Variants in CCDC171 observed in about 807,000 individuals in gnomAD.
CCDC171 encodes coiled-coil domain-containing protein 171.
Under a neutral mutation model 168.2 loss-of-function variants are expected in CCDC171, and 177 were observed. The observed-to-expected ratio is 1.05, with a 90% CI of 0.93 to 1.19. CCDC171 has a LOEUF of 1.19. CCDC171 is among the 50% of genes most tolerant of loss of function. The pLI is 0.00. For missense variants in CCDC171, 1,991 were observed against 1,539.0 expected (o/e 1.29, Z -4.91); for synonymous variants, 687 against 540.8 (o/e 1.27, Z -3.75).
Position 15,874,799 on chromosome 9 carries a change from T to C in CCDC171, c.3600+136T>C. On this transcript the variant is annotated intron_variant, in intron 24 of 25. Coordinates refer to ENST00000380701, the MANE Select transcript of CCDC171 (RefSeq NM_173550.4). The stretch of plus-strand genomic sequence containing the variant: ...AATAGATGTTTCTTCATTTTTCTTC[T>C]ATCATGTAACAGTATACTTTACAAA... 3 of 866,092 alleles carry C rather than the reference T, an allele frequency of 3.5e-6. No homozygotes were observed. In the South Asian group the frequency reaches 9.7e-5, roughly 28 times the overall value. 53.7% of individuals were successfully genotyped at this position (866,092 alleles called of 1,614,324 possible).
intron 10 of CCDC171, among the ~76,000 whole-genome samples, chr9:15,692,173 C>A (rs529771545): frequency 6.6e-6 from 1 of 152,068 alleles, no homozygotes; most frequent in African/African-American, 2.4e-5. Flanking sequence ...GCCAGGAGTT[C>A]GAGACCAGCT....
chr9:15,987,489 A>C (rs527577660), intron 3 of CCDC171, among the ~76,000 whole-genome samples: 1 of 152,334 alleles, frequency 6.6e-6, no homozygotes, highest in South Asian at 2.1e-4. Flanking sequence ...AAAGATAAAC[A>C]TTTTAATTTA....
intron 25 of CCDC171, among the ~76,000 whole-genome samples, chr9:15,971,402 A>G (rs1482763556): frequency 1.3e-5 from 2 of 152,178 alleles, no homozygotes; most frequent in African/African-American, 4.8e-5. Context: ...TGTCTAGAAA[A>G]GTTCAGAAAA....
At chr9:15,634,980 C>T (rs1334865437) in intron 7 of CCDC171, among the ~76,000 whole-genome samples, 2 of 152,080 alleles carry the variant, frequency 1.3e-5, no homozygotes, top group African/African-American at 4.8e-5. Context: ...GTGCTTCATT[C>T]TTTTTTATGC....
chr9:15,657,262 G>T (rs1197824670), intron 8 of CCDC171, 43 bp downstream of exon 8: 2 of 1,236,500 alleles, frequency 1.6e-6, no homozygotes, highest in Non-Finnish European at 2.4e-6. Flanking sequence ...TTCTTAATTT[G>T]TGTTATAACA....
rs1392198186 is a variant in CCDC171, at chr9:15,729,602, C to T, written c.1861-8C>T. 6.3e-7 allele frequency: 1 copy of T among 1,589,940 alleles called. No individual in the cohort carries two copies. The highest frequency in any genetic ancestry group is 8.6e-7 in the Non-Finnish European group (1 of 1,164,242). On this transcript the variant is annotated splice_polypyrimidine_tract_variant and splice_region_variant and intron_variant, in intron 15 of 25. Coordinates refer to ENST00000380701, the MANE Select transcript of CCDC171 (RefSeq NM_173550.4). The stretch of plus-strand genomic sequence containing the variant: ...ATATTTCCTTCTCTGTTGCATCTCC[C>T]CGTATAGATAAGGCATCTAGAGTAT...
intron 11 of CCDC171, among the ~76,000 whole-genome samples, chr9:15,704,898 T>G (rs2052087741): frequency 6.6e-6 from 1 of 152,158 alleles, no homozygotes; most frequent in Admixed American, 6.5e-5. Context: ...GGGGTCTCTC[T>G]GCTTCCACCT....
the CCDC171 span, among the ~76,000 whole-genome samples, chr9:16,097,144 G>A: frequency 1.3e-5 from 2 of 152,174 alleles, no homozygotes; most frequent in African/African-American, 4.8e-5. Context: ...CCATGAGGCT[G>A]GCCTATCATG....
intron 7 of CCDC171, among the ~76,000 whole-genome samples, chr9:15,626,158 T>C (rs1234332686): frequency 6.6e-6 from 1 of 152,222 alleles, no homozygotes; most frequent in East Asian, 1.9e-4. Flanking sequence ...TTTTTGCACA[T>C]TGATTTTGTA....
At chr9:16,089,375 A>G in the CCDC171 span, among the ~76,000 whole-genome samples, 6 of 151,936 alleles carry the variant, frequency 3.9e-5, no homozygotes, top group Admixed American at 3.3e-4. Flanking sequence ...GAAGCTCTTA[A>G]GTTTAATTAG....
intron 1 of CCDC171, among the ~76,000 whole-genome samples, chr9:15,556,799 T>A (rs375308560): frequency 1.3e-5 from 2 of 152,044 alleles, no homozygotes; most frequent in Admixed American, 6.6e-5. Context: ...GGTGTTTTAG[T>A]CATGAAGTCC....
intron 25 of CCDC171, among the ~76,000 whole-genome samples, chr9:15,924,817 C>T (rs1443187799): frequency 1.3e-5 from 2 of 151,470 alleles, no homozygotes; most frequent in Non-Finnish European, 3.0e-5. Context: ...TAATTTTATG[C>T]TTGCTCTATC....
chr9:16,063,325 G>T (rs555690819), downstream of CCDC171, among the ~76,000 whole-genome samples: 8 of 152,286 alleles, frequency 5.3e-5, no homozygotes, highest in African/African-American at 1.9e-4. Flanking sequence ...GTGGGGACAG[G>T]CTTGCCACGG....
intron 6 of CCDC171, among the ~76,000 whole-genome samples, chr9:16,025,426 C>T (rs993629443): frequency 6.6e-6 from 1 of 152,118 alleles, no homozygotes; most frequent in South Asian, 2.1e-4. Flanking sequence ...GGCACTGCAG[C>T]CTAGCCTGGG....
intron 6 of CCDC171, among the ~76,000 whole-genome samples, chr9:16,029,096 A>G (rs1460488035): frequency 2.6e-5 from 4 of 151,998 alleles, no homozygotes; most frequent in Non-Finnish European, 5.9e-5. Flanking sequence ...CTGGGTCGAG[A>G]AAGTTTAAGA....
intron 18 of CCDC171, among the ~76,000 whole-genome samples, chr9:15,761,563 A>G (rs945719921): frequency 1.3e-5 from 2 of 152,230 alleles, no homozygotes; most frequent in Non-Finnish European, 2.9e-5. Context: ...CAAGATCCTC[A>G]GGTGACTAAT....
At chr9:15,643,092 T>C (rs1439189642) in intron 7 of CCDC171, among the ~76,000 whole-genome samples, 1 of 152,152 alleles carries the variant, frequency 6.6e-6, no homozygotes, top group African/African-American at 2.4e-5. Context: ...CCATAGGTTT[T>C]TGGGAAACAG....
intron 1 of CCDC171, among the ~76,000 whole-genome samples, chr9:15,555,150 G>C (rs1047412422): frequency 2.6e-5 from 4 of 152,086 alleles, no homozygotes; most frequent in African/African-American, 9.7e-5. Flanking sequence ...CGGGATCACT[G>C]ATCCCTTGGC....
chr9:15,801,236 A>G (rs1002804806), intron 21 of CCDC171, among the ~76,000 whole-genome samples: 1 of 152,140 alleles, frequency 6.6e-6, no homozygotes, highest in Non-Finnish European at 1.5e-5. Flanking sequence ...GATTCTTTCA[A>G]TCCATGAACA....
Sources: allele counts gnomAD v4.1 joint callset (sites outside exome capture counted in the v4.1 genomes callset), GRCh38; gene constraint gnomAD v4.1.1; transcripts MANE v1.5; gene names NCBI Gene and HGNC (gene_info 2026-07-23, HGNC 2026-07-21).